AAK1: variants seen among roughly 807,000 people sequenced by gnomAD.
AAK1 encodes the protein AP2 associated kinase 1.
AAK1 carries 37 observed loss-of-function variants against 116.0 expected under a neutral mutation model. The ratio of observed to expected loss-of-function variants is 0.32; its 90% CI spans 0.25 to 0.42. The LOEUF (loss-of-function observed/expected upper bound fraction) is 0.42, where lower values mean the gene tolerates loss of function less well. Ranked by LOEUF, AAK1 falls within the 10% of genes least tolerant of loss-of-function variation. The probability of loss-of-function intolerance (pLI) is 1.00; values close to 1 mark genes in which losing one functional copy is unlikely to be tolerated. For missense variants in AAK1, 919 were observed against 1,170.6 expected (o/e 0.79, Z 3.14); for synonymous variants, 458 against 439.9 (o/e 1.04, Z -0.51).
rs1454345952 is a variant in AAK1, at chr2:69,459,492, G to A, written c.*16377C>T. 1 of 152,210 alleles carries A rather than the reference G, an allele frequency of 6.6e-6. No individual in the cohort carries two copies. Among genetic ancestry groups the A allele is most frequent in the East Asian group, 1.9e-4 (1 of 5,196 alleles). 9.4% of individuals were successfully genotyped at this position (152,210 alleles called of 1,614,324 possible). On this transcript the variant is annotated 3_prime_UTR_variant, in exon 22 of 22. Coordinates refer to ENST00000409085, the MANE Select transcript of AAK1 (RefSeq NM_014911.5). ...TTGCCCAGGTTGGTCTTGAACTCAT[G>A]AGCTCAAGCGATCGGCCCAACACAG...
intron 2 of AAK1, among the ~76,000 whole-genome samples, chr2:69,577,441 A>G (rs912150788): frequency 2.0e-5 from 3 of 151,458 alleles, no homozygotes; most frequent in Non-Finnish European, 2.9e-5. Flanking sequence ...GAACTAGACT[A>G]CTCTGTAGAA....
chr2:69,551,241 G>A (rs887705618), intron 3 of AAK1, among the ~76,000 whole-genome samples: 4 of 152,098 alleles, frequency 2.6e-5, no homozygotes, highest in African/African-American at 9.7e-5. Flanking sequence ...GGGGCCGGTG[G>A]GGGTGGTGGA....
chr2:69,638,332 C>T (rs1675539460), intron 2 of AAK1, among the ~76,000 whole-genome samples: 1 of 152,180 alleles, frequency 6.6e-6, no homozygotes. Flanking sequence ...TGGTCATTTC[C>T]CTTCCCTGCC....
chr2:69,563,440 C>T (rs1671730707), intron 2 of AAK1, among the ~76,000 whole-genome samples: 1 of 152,140 alleles, frequency 6.6e-6, no homozygotes, highest in Non-Finnish European at 1.5e-5. Flanking sequence ...GGGTTTGCTG[C>T]CAAAGAGGTT....
intron 7 of AAK1, 93 bp downstream of exon 7, chr2:69,530,532 G>T: frequency 9.6e-7 from 1 of 1,045,330 alleles, no homozygotes; most frequent in Non-Finnish European, 1.5e-6. Flanking sequence ...TGGTACAGTA[G>T]CCACCATGCT....
chr2:69,561,150 C>T (rs562388443), intron 2 of AAK1, among the ~76,000 whole-genome samples: 164 of 152,296 alleles, frequency 1.1e-3, no homozygotes, highest in South Asian at 1.9e-3. Context: ...GAAAACACAT[C>T]TGAAAAGCTT....
At chr2:69,641,977 G>A (rs933742166) in intron 2 of AAK1, among the ~76,000 whole-genome samples, 14 of 152,112 alleles carry the variant, frequency 9.2e-5, no homozygotes, top group African/African-American at 3.4e-4. Flanking sequence ...CTAGGCAGGC[G>A]AAGGGCTGTG....
At chr2:69,515,322 C>A (rs1365557299) in intron 12 of AAK1, among the ~76,000 whole-genome samples, 1 of 152,084 alleles carries the variant, frequency 6.6e-6, no homozygotes. Flanking sequence ...TATGACGCTT[C>A]CTTTTGTTTG....
chr2:69,471,868 G>C lies in AAK1; in HGVS notation c.*4001C>G. On this transcript the variant is annotated 3_prime_UTR_variant, in exon 22 of 22. Coordinates refer to ENST00000409085, the MANE Select transcript of AAK1 (RefSeq NM_014911.5). ...GATCAATTATCTGTCAGGAGAGTAGGAAATAAGTAATCAAAACAACCAAAA... is the reference window on the plus strand; with the variant it reads ...GATCAATTATCTGTCAGGAGAGTAGCAAATAAGTAATCAAAACAACCAAAA... The C allele has an allele frequency of 1.0e-6, 1 of 985,210 alleles. No homozygotes were observed. The highest frequency in any genetic ancestry group is 1.2e-6 in the Non-Finnish European group (1 of 829,784). 61.0% of individuals were successfully genotyped at this position (985,210 alleles called of 1,614,324 possible). A position where few individuals can be genotyped will look rare whatever the true frequency, so the allele number is the denominator to read the frequency against.
At chr2:69,640,303 C>T (rs1354000264) in intron 2 of AAK1, among the ~76,000 whole-genome samples, 1 of 142,912 alleles carries the variant, frequency 7.0e-6, no homozygotes, top group African/African-American at 3.1e-5. Flanking sequence ...ATCTCCATTT[C>T]CAACAAGCTC....
chr2:69,536,202 C>T lies in AAK1; in HGVS notation c.535-4040G>A, dbSNP rs186482008. 3.2e-3 allele frequency among the ~76,000 whole-genome samples: 489 copies of T among 152,076 alleles called. 2 individuals are homozygous for T. Among genetic ancestry groups the T allele is most frequent in the Admixed American group, 5.2e-3 (80 of 15,262 alleles). On this transcript the variant is annotated intron_variant, in intron 5 of 21. Coordinates refer to ENST00000409085, the MANE Select transcript of AAK1 (RefSeq NM_014911.5). ...AAGGGGGATGGACAGTTGAGATTGG[C>T]GAGGAAGGAGGAAGGAGAAAGGGAG...
chr2:69,541,592 T>A (rs546031784), intron 5 of AAK1, among the ~76,000 whole-genome samples: 75 of 152,252 alleles, frequency 4.9e-4, no homozygotes, highest in East Asian at 4.8e-3. Context: ...CAATTTTTTT[T>A]AAAAAGTTAA....
intron 2 of AAK1, among the ~76,000 whole-genome samples, chr2:69,604,477 A>G (rs1203972609): frequency 6.6e-6 from 1 of 152,080 alleles, no homozygotes; most frequent in Non-Finnish European, 1.5e-5. Context: ...GACACCTCCA[A>G]ATGCTCATTG....
intron 2 of AAK1, among the ~76,000 whole-genome samples, chr2:69,583,980 A>G (rs1558979829): frequency 6.6e-6 from 1 of 152,240 alleles, no homozygotes; most frequent in Non-Finnish European, 1.5e-5. Context: ...CCATGTTCTG[A>G]TAGCCAGCTT....
In AAK1 at chr2:69,573,169, G is replaced by A. The variant is rs1014076536; in HGVS notation, c.164-16191C>T. On this transcript the variant is annotated intron_variant, in intron 2 of 21. Coordinates refer to ENST00000409085, the MANE Select transcript of AAK1 (RefSeq NM_014911.5). The stretch of plus-strand genomic sequence containing the variant: ...GAATGTGGGCTGGGGAGGAAGGTGG[G>A]TCTTCCATAACCAGAGTCTTGGGGG... Among the ~76,000 whole-genome samples the A allele has an allele frequency of 2.0e-5, 3 of 152,190 alleles. No homozygotes were observed. The East Asian group carries it at 5.8e-4, about 29-fold the overall frequency.
intron 5 of AAK1, among the ~76,000 whole-genome samples, chr2:69,540,293 T>C (rs531647739): frequency 1.3e-5 from 2 of 152,196 alleles, no homozygotes; most frequent in African/African-American, 4.8e-5. Flanking sequence ...AGCTAATTTT[T>C]TGTATTTAGT....
intron 2 of AAK1, among the ~76,000 whole-genome samples, chr2:69,618,670 G>A (rs17036824): frequency 1.3e-5 from 2 of 151,796 alleles, no homozygotes; most frequent in South Asian, 4.2e-4. Context: ...TAACATTCAC[G>A]GATGCCTGTA....
intron 2 of AAK1, among the ~76,000 whole-genome samples, chr2:69,590,962 G>A (rs1272357529): frequency 2.6e-5 from 4 of 152,190 alleles, no homozygotes; most frequent in African/African-American, 7.2e-5. Context: ...CACCTACTAT[G>A]GAAAGATGAA....
At chr2:69,642,076 A>T (rs1260550994) in intron 2 of AAK1, among the ~76,000 whole-genome samples, 4 of 152,238 alleles carry the variant, frequency 2.6e-5, no homozygotes, top group Non-Finnish European at 5.9e-5. Flanking sequence ...TGGGGGAATC[A>T]AGATGTATAT....
Sources: allele counts gnomAD v4.1 joint callset (sites outside exome capture counted in the v4.1 genomes callset), GRCh38; gene constraint gnomAD v4.1.1; transcripts MANE v1.5; gene names NCBI Gene and HGNC (gene_info 2026-07-23, HGNC 2026-07-21).